Variants in SLMAP observed in about 807,000 individuals in gnomAD.
SLMAP encodes the protein sarcolemma associated protein.
In SLMAP, 44 loss-of-function variants were observed where a neutral mutation model predicts 128.8. That is an observed-to-expected ratio of 0.34 (90% confidence interval 0.27 to 0.44). SLMAP has a LOEUF of 0.44. SLMAP is among the 20% of genes least tolerant of loss of function. SLMAP has a pLI of 1.00. For missense variants in SLMAP, 787 were observed against 985.3 expected (o/e 0.80, Z 2.69); for synonymous variants, 327 against 348.8 (o/e 0.94, Z 0.70).
intron 3 of SLMAP, among the ~76,000 whole-genome samples, chr3:57,838,169 A>T (rs2093729457): frequency 6.6e-6 from 1 of 152,250 alleles, no homozygotes; most frequent in African/African-American, 2.4e-5. Context: ...TTTTTAAAAA[A>T]ACAACTTTCT....
intron 3 of SLMAP, among the ~76,000 whole-genome samples, chr3:57,840,850 T>G (rs1162748435): frequency 6.6e-6 from 1 of 152,218 alleles, no homozygotes; most frequent in African/African-American, 2.4e-5. Context: ...GAGTGGCATT[T>G]CTCAACTGTA....
At chr3:57,869,627 C>CTATTATATATATATATA (rs2095419543) in intron 13 of SLMAP, among the ~76,000 whole-genome samples, 1 of 40,154 alleles carries the variant, frequency 2.5e-5, no homozygotes, top group Non-Finnish European at 4.6e-5. Context: ...GATCCCATCT[C>CTATTATATATATATATA]TATTATATAT....
At chr3:57,869,205 C>T (rs2095408237) in intron 13 of SLMAP, among the ~76,000 whole-genome samples, 1 of 150,670 alleles carries the variant, frequency 6.6e-6, no homozygotes, top group African/African-American at 2.4e-5. Context: ...AAGCATCCAG[C>T]ACAGGAGAAA....
chr3:57,827,511 T>C (rs2093007653), intron 2 of SLMAP, among the ~76,000 whole-genome samples: 2 of 152,186 alleles, frequency 1.3e-5, no homozygotes, highest in South Asian at 4.1e-4. Flanking sequence ...TGCCTGATTG[T>C]TGGGAACTTA....
chr3:57,760,417 G>A (rs1340421573), intron 2 of SLMAP, among the ~76,000 whole-genome samples: 2 of 152,136 alleles, frequency 1.3e-5, no homozygotes, highest in African/African-American at 2.4e-5. Context: ...TATAGCGGAT[G>A]CTCTGTCAGA....
At chr3:57,858,266 C>G (rs1056426068) in intron 8 of SLMAP, 107 bp downstream of exon 8, 37 of 697,494 alleles carry the variant, frequency 5.3e-5, no homozygotes, top group Middle Eastern at 5.7e-4. Context: ...TACATTTCCA[C>G]AATTCTTTTA....
chr3:57,799,134 A>C (rs1186204785), intron 2 of SLMAP, among the ~76,000 whole-genome samples: 1 of 152,212 alleles, frequency 6.6e-6, no homozygotes, highest in African/African-American at 2.4e-5. Context: ...AGGAAGCAAA[A>C]GGTAGGAGTT....
At chr3:57,906,332 T>TTTTTTTTTTTTTC (rs1491216777) in intron 17 of SLMAP, among the ~76,000 whole-genome samples, 2 of 137,032 alleles carry the variant, frequency 1.5e-5, no homozygotes, top group Admixed American at 1.6e-4. Context: ...TTTTTTTTTT[T>TTTTTTTTTTTTTC]AGAGACACAG....
intron 21 of SLMAP, among the ~76,000 whole-genome samples, chr3:57,916,156 C>CAA (rs75785421): frequency 7.8e-6 from 1 of 128,250 alleles, no homozygotes; most frequent in African/African-American, 2.9e-5. Context: ...AACTCTGTCT[C>CAA]AAAAAAAAAA....
chr3:57,779,138 G>C (rs2153456905), intron 2 of SLMAP, among the ~76,000 whole-genome samples: 2 of 152,204 alleles, frequency 1.3e-5, no homozygotes, highest in East Asian at 3.9e-4. Context: ...TATCAATGCA[G>C]ATCAATCTCA....
intron 7 of SLMAP, 72 bp from the exon 8 acceptor site, chr3:57,858,016 G>A (rs2094875415): frequency 4.7e-6 from 5 of 1,070,386 alleles, no homozygotes; most frequent in African/African-American, 1.6e-5. Flanking sequence ...GTTGTCAGTA[G>A]CAACCTTTTT....
chr3:57,876,217 A>G (rs1055800183), intron 14 of SLMAP, among the ~76,000 whole-genome samples: 1 of 152,116 alleles, frequency 6.6e-6, no homozygotes, highest in Non-Finnish European at 1.5e-5. Context: ...ATGATGACAG[A>G]TTTTTCAGTT....
chr3:57,852,889 A>T lies in SLMAP; in HGVS notation c.519+3073A>T, dbSNP rs184913016. ...TTTTCTAGCTCTTTGAGATAAAATT[A>T]TACCAGTCTTTTCTGTATATGTTCT... On this transcript the variant is annotated intron_variant, in intron 6 of 24. Coordinates refer to ENST00000671191, the MANE Select transcript of SLMAP (RefSeq NM_001377540.1). 2.3e-3 allele frequency among the ~76,000 whole-genome samples: 348 copies of T among 152,354 alleles called. 1 individual carries two copies. The highest frequency in any genetic ancestry group is 0.01 in the Middle Eastern group (3 of 294).
intron 2 of SLMAP, among the ~76,000 whole-genome samples, chr3:57,760,312 TC>T (rs1363606337): frequency 6.6e-6 from 1 of 152,210 alleles, no homozygotes; most frequent in Non-Finnish European, 1.5e-5. Flanking sequence ...TTCACTTTTT[TC>T]CTCCTGCTTT....
intron 14 of SLMAP, among the ~76,000 whole-genome samples, chr3:57,879,949 CAAAAA>C (rs200618505): frequency 7.4e-5 from 8 of 108,304 alleles, no homozygotes; most frequent in East Asian, 3.1e-4. Context: ...GACTCTGTCT[CAAAAA>C]AAAAAAAATA....
chr3:57,854,429 C>T (rs944562681), intron 6 of SLMAP, among the ~76,000 whole-genome samples: 1 of 152,050 alleles, frequency 6.6e-6, no homozygotes, highest in African/African-American at 2.4e-5. Context: ...GAAAGCTCAT[C>T]TCCACAAAAA....
intron 6 of SLMAP, among the ~76,000 whole-genome samples, chr3:57,853,997 A>ATATT (rs1257786411): frequency 9.2e-6 from 1 of 109,236 alleles, no homozygotes; most frequent in Admixed American, 1.0e-4. Flanking sequence ...ATATATATAT[A>ATATT]TATTTACATA....
intron 2 of SLMAP, among the ~76,000 whole-genome samples, chr3:57,821,817 T>C (rs555161411): frequency 1.6e-4 from 25 of 152,178 alleles, no homozygotes; most frequent in Non-Finnish European, 2.8e-4. Flanking sequence ...GCCCTCTCTT[T>C]ACAGCTGTAT....
At chr3:57,804,248 A>G (rs536500665) in intron 2 of SLMAP, among the ~76,000 whole-genome samples, 5 of 152,124 alleles carry the variant, frequency 3.3e-5, no homozygotes, top group Non-Finnish European at 7.4e-5. Flanking sequence ...ATTTTTGTCT[A>G]ATTACTAGCC....
Sources: allele counts gnomAD v4.1 joint callset (sites outside exome capture counted in the v4.1 genomes callset), GRCh38; gene constraint gnomAD v4.1.1; transcripts MANE v1.5; gene names NCBI Gene and HGNC (gene_info 2026-07-23, HGNC 2026-07-21).